DYRK1A: variants seen among roughly 807,000 people sequenced by gnomAD.
DYRK1A encodes the protein dual specificity tyrosine-phosphorylation-regulated kinase 1A.
DYRK1A carries 9 observed loss-of-function variants against 79.7 expected under a neutral mutation model. The observed-to-expected ratio is 0.11, with a 90% confidence interval of 0.07 to 0.20. DYRK1A has a LOEUF of 0.20. DYRK1A is among the 10% of genes least tolerant of loss of function. DYRK1A has a pLI of 1.00. For missense variants in DYRK1A, 622 were observed against 956.0 expected (o/e 0.65, Z 4.61); for synonymous variants, 349 against 329.7 (o/e 1.06, Z -0.63).
intron 1 of DYRK1A, among the ~76,000 whole-genome samples, chr21:37,413,178 C>T (rs924803540): frequency 2.0e-5 from 3 of 152,124 alleles, no homozygotes; most frequent in East Asian, 1.9e-4. Flanking sequence ...ACTCACTTTA[C>T]TGCTTTTAGT....
intron 1 of DYRK1A, among the ~76,000 whole-genome samples, chr21:37,396,528 GTTTTT>G: frequency 6.8e-6 from 1 of 146,122 alleles, no homozygotes; most frequent in East Asian, 2.0e-4. Context: ...AAGTTTTTTT[GTTTTT>G]TTTTTTAAGT....
At chr21:37,509,207 A>G (rs995224001) in intron 11 of DYRK1A, among the ~76,000 whole-genome samples, 3 of 152,218 alleles carry the variant, frequency 2.0e-5, no homozygotes, top group African/African-American at 7.2e-5. Context: ...GAGATATTTT[A>G]TACATATTCA....
In DYRK1A at chr21:37,515,398, A is replaced by AT. The variant is rs1345115083; in HGVS notation, c.*2874dup. On this transcript the variant is annotated 3_prime_UTR_variant, in exon 12 of 12. Transcript: ENST00000647188. ...CAGATCATTTTGATTTTTCACATTG[A>AT]TTTTTTTATTTGAATGTTTACATAA... The AT allele has an allele frequency of 2.0e-5, 3 of 152,448 alleles. No homozygotes were observed. Among genetic ancestry groups the AT allele is most frequent in the Non-Finnish European group, 2.9e-5 (2 of 68,032 alleles). The allele number at this position is 152,448 out of a possible 1,614,324, so 9.4% of individuals were successfully genotyped here.
At chr21:37,393,914 T>C (rs963007196) in intron 1 of DYRK1A, among the ~76,000 whole-genome samples, 2 of 152,206 alleles carry the variant, frequency 1.3e-5, no homozygotes, top group Non-Finnish European at 2.9e-5. Context: ...GTGCGCAAAG[T>C]TGAGGCTGCC....
At position 37,452,022 on chromosome 21, in the gene DYRK1A, G is replaced by A. The variant is rs889124652; in HGVS notation, c.11-20662G>A. Among the ~76,000 whole-genome samples the A allele has an allele frequency of 1.5e-4, 23 of 152,164 alleles. 1 individual carries two copies. Among genetic ancestry groups the A allele is most frequent in the African/African-American group, 5.6e-4 (23 of 41,434 alleles). ...TGGTGAGAAGGTCGGTGCAGTTAAG[G>A]GAAAGGATGTCATGGAGGGGACAGG... On this transcript the variant is annotated intron_variant, in intron 2 of 11. Coordinates refer to ENST00000647188, the MANE Select transcript of DYRK1A (RefSeq NM_001347721.2).
intron 2 of DYRK1A, among the ~76,000 whole-genome samples, chr21:37,459,046 T>G (rs950759367): frequency 1.2e-4 from 18 of 152,224 alleles, no homozygotes; most frequent in Non-Finnish European, 2.9e-5. Context: ...CTCTGCTATT[T>G]GCTAAGCCAT....
intron 8 of DYRK1A, 143 bp from the exon 9 acceptor site, chr21:37,495,971 GTGTT>G: frequency 1.5e-6 from 1 of 675,794 alleles, no homozygotes; most frequent in Non-Finnish European, 2.4e-6. Flanking sequence ...GGCCTTTCTT[GTGTT>G]TGTTCATTAC....
At chr21:37,464,884 A>C (rs2051972528) in intron 2 of DYRK1A, among the ~76,000 whole-genome samples, 1 of 152,204 alleles carries the variant, frequency 6.6e-6, no homozygotes, top group Non-Finnish European at 1.5e-5. Context: ...AAACATGGGT[A>C]ATTTGCTTAA....
intron 2 of DYRK1A, among the ~76,000 whole-genome samples, chr21:37,453,388 T>C (rs2051525143): frequency 6.6e-6 from 1 of 152,170 alleles, no homozygotes. Context: ...TAGATGTTTG[T>C]TGAATGAATG....
intron 2 of DYRK1A, among the ~76,000 whole-genome samples, chr21:37,442,059 C>G (rs1009971891): frequency 1.3e-5 from 2 of 150,880 alleles, no homozygotes; most frequent in East Asian, 1.9e-4. Context: ...ACCATCTGCT[C>G]TCTCGCATTG....
intron 2 of DYRK1A, among the ~76,000 whole-genome samples, chr21:37,429,912 T>TG (rs1289458378): frequency 1.3e-5 from 2 of 152,238 alleles, no homozygotes; most frequent in African/African-American, 4.8e-5. Context: ...GCCTCCATGA[T>TG]TTTTAATACA....
At chr21:37,456,849 A>G (rs1471001923) in intron 2 of DYRK1A, among the ~76,000 whole-genome samples, 1 of 152,188 alleles carries the variant, frequency 6.6e-6, no homozygotes, top group Admixed American at 6.5e-5. Context: ...AAGTTGGCAT[A>G]GAATAAGAGT....
rs979351021 is a variant in DYRK1A at position 37,515,755 on chromosome 21, A to G, written c.*3224A>G. 6.6e-6 allele frequency: 1 copy of G among 152,114 alleles called. No homozygotes were observed. The highest frequency in any genetic ancestry group is 1.5e-5 in the Non-Finnish European group (1 of 68,004). The allele number at this position is 152,114 out of a possible 1,614,324, so 9.4% of individuals were successfully genotyped here. A position where few individuals can be genotyped will look rare whatever the true frequency, so the allele number is the denominator to read the frequency against. On this transcript the variant is annotated 3_prime_UTR_variant, in exon 12 of 12. Coordinates refer to ENST00000647188, the MANE Select transcript of DYRK1A (RefSeq NM_001347721.2). ...GTTGCGTAAAGTTGAAGTTAACCAC[A>G]TGTAAGAAAGGAAAACTTCCATTAG... is the stretch of plus-strand genomic sequence containing the variant.
At chr21:37,454,085 C>CTTTTTTTTTTTTTTTTTTT (rs571859735) in intron 2 of DYRK1A, among the ~76,000 whole-genome samples, 5 of 59,626 alleles carry the variant, frequency 8.4e-5, no homozygotes, top group Admixed American at 2.6e-4. Context: ...ATGTAGTCTC[C>CTTTTTTTTTTTTTTTTTTT]TTTTTTTTTT....
intron 2 of DYRK1A, among the ~76,000 whole-genome samples, chr21:37,437,116 A>G (rs1479660964): frequency 6.6e-6 from 1 of 152,212 alleles, no homozygotes; most frequent in Non-Finnish European, 1.5e-5. Flanking sequence ...TTACTAAGGT[A>G]GATGGTAGAG....
chr21:37,508,461 A>G (rs2053658818), intron 11 of DYRK1A, among the ~76,000 whole-genome samples: 2 of 152,164 alleles, frequency 1.3e-5, no homozygotes, highest in African/African-American at 2.4e-5. Flanking sequence ...TAATTTTTGT[A>G]TTTGTAGTAG....
chr21:37,429,670 G>C (rs376802848), intron 2 of DYRK1A, among the ~76,000 whole-genome samples: 1 of 152,202 alleles, frequency 6.6e-6, no homozygotes, highest in African/African-American at 2.4e-5. Flanking sequence ...ACAGCTTGAC[G>C]TGAGATTTGT....
intron 11 of DYRK1A, among the ~76,000 whole-genome samples, chr21:37,511,303 T>G (rs1398594014): frequency 2.0e-5 from 3 of 152,154 alleles, no homozygotes; most frequent in Non-Finnish European, 2.9e-5. Context: ...ATTGGATTTG[T>G]GTTAAGAAAA....
intron 1 of DYRK1A, among the ~76,000 whole-genome samples, chr21:37,417,784 A>G (rs563134817): frequency 6.6e-6 from 1 of 152,080 alleles, no homozygotes; most frequent in Non-Finnish European, 1.5e-5. Context: ...TCAAAAAACC[A>G]TGTAAGCTCG....
Sources: gnomAD v4.1 joint callset for allele counts (sites outside exome capture counted in the v4.1 genomes callset) on GRCh38, gnomAD v4.1.1 for gene constraint, MANE v1.5 for transcripts, NCBI Gene and HGNC (gene_info 2026-07-23, HGNC 2026-07-21) for gene names.